Variants in CSGALNACT1 observed in about 807,000 individuals in gnomAD.
The protein encoded by CSGALNACT1 is chondroitin sulfate N-acetylgalactosaminyltransferase 1, also known as beta4GalNAcT-1.
CSGALNACT1 carries 52 observed loss-of-function variants against 51.0 expected under a neutral mutation model. The observed-to-expected ratio is 1.02, with a 90% confidence interval of 0.82 to 1.29. The LOEUF (loss-of-function observed/expected upper bound fraction) is 1.29. Ranked by LOEUF, CSGALNACT1 falls within the 50% of genes most tolerant of loss-of-function variation. The probability of loss-of-function intolerance (pLI) is 0.00; values close to 1 mark genes in which losing one functional copy is unlikely to be tolerated. For synonymous variants in CSGALNACT1, 341 were observed against 254.4 expected, an observed-to-expected ratio of 1.34 and a Z score of -3.24; for missense variants, 935 against 679.2, an observed-to-expected ratio of 1.38 and a Z score of -4.19.
At chr8:19,606,403 G>T (rs565774416), upstream of CSGALNACT1, among the ~76,000 whole-genome samples, 1 of 152,178 alleles carries the variant, frequency 6.6e-6, no homozygotes, top group African/African-American at 2.4e-5. Context: ...TCTTTCTCAA[G>T]ATATGTCTCA....
At position 19,426,975 on chromosome 8, in the gene CSGALNACT1, A is replaced by G. The variant is rs562359462; in HGVS notation, c.954-6457T>C. Among the ~76,000 whole-genome samples the G allele has an allele frequency of 3.3e-5, 5 of 152,340 alleles. No homozygotes were observed. The East Asian group carries it at 9.6e-4, about 29-fold the overall frequency. ...AAACTAGTATTATATCCAATGTATG[A>G]TTTTAAATCTCACAGCTCTAAATAC... On this transcript the variant is annotated intron_variant, in intron 6 of 9. Transcript: ENST00000454498.
chr8:19,676,083 T>TAAAAAAAAAAAAAAAAAAAA (rs1564404826), intron 1 of CSGALNACT1, among the ~76,000 whole-genome samples: 2 of 59,088 alleles, frequency 3.4e-5, no homozygotes, highest in Admixed American at 1.7e-4. Flanking sequence ...GTTGTCTGAT[T>TAAAAAAAAAAAAAAAAAAAA]TAAAAAACAA....
At chr8:19,641,836 A>G (rs2056778240) in intron 1 of CSGALNACT1, 1 of 152,198 alleles carries the variant, frequency 6.6e-6, no homozygotes, top group Non-Finnish European at 1.5e-5. Context: ...TTTGCTACAC[A>G]GTGTCCTCAG....
chr8:19,538,831 C>T (rs1421936493), intron 3 of CSGALNACT1, among the ~76,000 whole-genome samples: 1 of 151,980 alleles, frequency 6.6e-6, no homozygotes, highest in Non-Finnish European at 1.5e-5. Context: ...ACCCCTGCCC[C>T]CAGACTCTGT....
chr8:19,488,759 G>T (rs918035861), intron 4 of CSGALNACT1, among the ~76,000 whole-genome samples: 1 of 152,126 alleles, frequency 6.6e-6, no homozygotes, highest in African/African-American at 2.4e-5. Context: ...CGACAGGGTA[G>T]ATTATTAATA....
chr8:19,513,415 A>ACTCTCTCTCTCT (rs1409555325), intron 3 of CSGALNACT1, among the ~76,000 whole-genome samples: 10 of 111,520 alleles, frequency 9.0e-5, no homozygotes, highest in African/African-American at 2.8e-4. Flanking sequence ...TCTCTCTCTC[A>ACTCTCTCTCTCT]CTCTCTCTCT....
chr8:19,631,223 G>C (rs59495894), intron 1 of CSGALNACT1, among the ~76,000 whole-genome samples: 1 of 151,868 alleles, frequency 6.6e-6, no homozygotes, highest in Non-Finnish European at 1.5e-5. Context: ...CAATGATCTT[G>C]ATTGCTCGCT....
intron 3 of CSGALNACT1, among the ~76,000 whole-genome samples, chr8:19,578,024 T>G (rs374351502): frequency 2.2e-4 from 33 of 152,232 alleles, no homozygotes; most frequent in African/African-American, 7.5e-4. Flanking sequence ...TGGAAAAAAT[T>G]ACTCCAGCAC....
intron 4 of CSGALNACT1, among the ~76,000 whole-genome samples, chr8:19,492,763 A>C (rs754443974): frequency 6.6e-6 from 1 of 152,218 alleles, no homozygotes; most frequent in African/African-American, 2.4e-5. Context: ...TTAGCCTCAA[A>C]CTACTGATAT....
upstream of CSGALNACT1, among the ~76,000 whole-genome samples, chr8:19,604,290 T>A (rs553442147): frequency 6.6e-6 from 1 of 152,294 alleles, no homozygotes; most frequent in East Asian, 1.9e-4. Flanking sequence ...TATGTTCAAC[T>A]GGACAGACGC....
intron 4 of CSGALNACT1, among the ~76,000 whole-genome samples, chr8:19,498,799 G>T (rs190743734): frequency 1.3e-5 from 2 of 152,278 alleles, no homozygotes; most frequent in African/African-American, 2.4e-5. Context: ...AAGCCAGGAA[G>T]AACAGTGATA....
At chr8:19,667,011 G>GAAAGGAAAGAAAGAAAGAAAGA (rs2059377858) in intron 1 of CSGALNACT1, among the ~76,000 whole-genome samples, 1 of 32,908 alleles carries the variant, frequency 3.0e-5, no homozygotes, top group African/African-American at 2.1e-4. Context: ...AAGAAAGAAA[G>GAAAGGAAAGAAAGAAAGAAAGA]AAAGAAAGGA....
Position 19,489,077 on chromosome 8 carries a change from C to T in CSGALNACT1, c.634+16124G>A, listed in dbSNP as rs577694650. Among the ~76,000 whole-genome samples, 4 of 152,126 alleles carry T rather than the reference C, an allele frequency of 2.6e-5. No homozygotes were observed. In the East Asian group the frequency reaches 7.7e-4, roughly 29 times the overall value. ...AAAATGGAGATGAGAGATGGGGAGACCAGGGCACCTAAGAAGGGTTAATTG... is the reference window on the plus strand; with the variant it reads ...AAAATGGAGATGAGAGATGGGGAGATCAGGGCACCTAAGAAGGGTTAATTG... On this transcript the variant is annotated intron_variant, in intron 4 of 9. Coordinates refer to ENST00000454498, the Ensembl canonical transcript of CSGALNACT1.
chr8:19,458,075 C>G (rs1353549062), intron 5 of CSGALNACT1, among the ~76,000 whole-genome samples: 1 of 152,200 alleles, frequency 6.6e-6, no homozygotes. Flanking sequence ...CTCCTCAAGA[C>G]TCAAGGCTGC....
intron 3 of CSGALNACT1, among the ~76,000 whole-genome samples, chr8:19,586,839 G>A (rs1588715483): frequency 6.6e-6 from 1 of 152,250 alleles, no homozygotes; most frequent in Non-Finnish European, 1.5e-5. Flanking sequence ...AATCGTCCTA[G>A]GCTCAGGTAC....
At chr8:19,676,991 G>T (rs1275917448) in intron 1 of CSGALNACT1, among the ~76,000 whole-genome samples, 1 of 152,184 alleles carries the variant, frequency 6.6e-6, no homozygotes, top group Non-Finnish European at 1.5e-5. Flanking sequence ...TAGAGGACTA[G>T]AGACAAAAGT....
rs776407676 is a variant in CSGALNACT1, at chr8:19,405,941, G to C, written c.1438C>G (p.Arg480Gly). The change falls in exon 10 of 10, where the codon CGC (arginine) becomes GGC (glycine). Residue 480 changes from arginine (R) to glycine (G), a missense_variant. Transcript: ENST00000454498. ...TCGGGGGTCAGCTCGTCCATGCAGC[G>C]CTTCTCATGCCAGAGGTGGAAGAGT... The C allele has an allele frequency of 3.7e-6, 6 of 1,613,992 alleles. No individual in the cohort carries two copies. In the Admixed American group the frequency reaches 5.0e-5, roughly 13 times the overall value.
intron 3 of CSGALNACT1, among the ~76,000 whole-genome samples, chr8:19,577,654 C>T (rs1468859430): frequency 6.6e-6 from 1 of 151,396 alleles, no homozygotes; most frequent in African/African-American, 2.4e-5. Flanking sequence ...GTTAGCATGC[C>T]AGACAACGAA....
intron 1 of CSGALNACT1, among the ~76,000 whole-genome samples, chr8:19,745,007 G>A (rs1231181657): frequency 1.3e-5 from 2 of 152,138 alleles, no homozygotes; most frequent in Non-Finnish European, 2.9e-5. Flanking sequence ...ACCCATAAAG[G>A]TACCATAGCA....
Sources: allele counts gnomAD v4.1 joint callset (sites outside exome capture counted in the v4.1 genomes callset), GRCh38; gene constraint gnomAD v4.1.1; transcripts MANE v1.5; gene names NCBI Gene and HGNC (gene_info 2026-07-23, HGNC 2026-07-21).